DLG2: variants seen among roughly 807,000 people sequenced by gnomAD.
The protein encoded by DLG2 is disks large homolog 2.
Under a neutral mutation model 132.5 loss-of-function variants are expected in DLG2, and 45 were observed. That is an observed-to-expected ratio of 0.34 (90% CI 0.27 to 0.44). DLG2 has a LOEUF of 0.44. Among genes scored for constraint, DLG2 ranks in the 20% least tolerant of loss-of-function variants. DLG2 has a pLI of 1.00. For synonymous variants in DLG2, 424 were observed against 419.6 expected, an observed-to-expected ratio of 1.01 and a Z score of -0.13; for missense variants, 1,045 against 1,196.9, an observed-to-expected ratio of 0.87 and a Z score of 1.87.
chr11:84,643,075 A>G (rs745420775), intron 6 of DLG2, among the ~76,000 whole-genome samples: 2 of 152,190 alleles, frequency 1.3e-5, no homozygotes, highest in Admixed American at 6.5e-5. Flanking sequence ...CAGTTAAATC[A>G]ATTTATTTTC....
At chr11:84,462,509 C>T (rs2099083118) in intron 7 of DLG2, among the ~76,000 whole-genome samples, 1 of 151,064 alleles carries the variant, frequency 6.6e-6, no homozygotes, top group Non-Finnish European at 1.5e-5. Context: ...TACTAAAATA[C>T]TTGTCCAAAA....
intron 6 of DLG2, among the ~76,000 whole-genome samples, chr11:84,751,698 T>C (rs537616145): frequency 1.3e-5 from 2 of 152,300 alleles, no homozygotes; most frequent in East Asian, 3.9e-4. Context: ...TATCCTTAAA[T>C]CAACTTGAAT....
intron 6 of DLG2, among the ~76,000 whole-genome samples, chr11:85,044,835 A>G (rs375058084): frequency 3.9e-5 from 6 of 152,050 alleles, no homozygotes; most frequent in East Asian, 3.9e-4. Flanking sequence ...AGAGACTACT[A>G]TTTTCATGAA....
intron 4 of DLG2, among the ~76,000 whole-genome samples, chr11:85,253,942 C>T (rs2076533963): frequency 6.6e-6 from 1 of 152,180 alleles, no homozygotes; most frequent in Admixed American, 6.5e-5. Flanking sequence ...AGCCACTTCT[C>T]TCCAACATCC....
chr11:85,268,059 T>C (rs1026473938), intron 4 of DLG2, among the ~76,000 whole-genome samples: 1 of 152,240 alleles, frequency 6.6e-6, no homozygotes, highest in African/African-American at 2.4e-5. Flanking sequence ...CTAAGCACTT[T>C]ATTTGTATTA....
chr11:83,621,511 G>T (rs550593217), intron 19 of DLG2, among the ~76,000 whole-genome samples: 2 of 152,220 alleles, frequency 1.3e-5, no homozygotes, highest in South Asian at 2.1e-4. Flanking sequence ...AATGTGAAAT[G>T]ATGCTACTTA....
At chr11:85,437,771 T>C (rs1373656869) in intron 3 of DLG2, among the ~76,000 whole-genome samples, 2 of 152,126 alleles carry the variant, frequency 1.3e-5, no homozygotes, top group Admixed American at 6.5e-5. Flanking sequence ...ATATAGAAGA[T>C]ATGTATAATT....
At chr11:83,928,870 C>G (rs2079553666) in intron 15 of DLG2, among the ~76,000 whole-genome samples, 1 of 152,148 alleles carries the variant, frequency 6.6e-6, no homozygotes, top group Admixed American at 6.5e-5. Flanking sequence ...ATGTAGCTGA[C>G]TATAGGTACA....
intron 7 of DLG2, among the ~76,000 whole-genome samples, chr11:84,273,864 T>C (rs932596732): frequency 2.0e-5 from 3 of 152,182 alleles, no homozygotes; most frequent in Non-Finnish European, 4.4e-5. Context: ...ACTGTCTTAA[T>C]GGCACTATGA....
chr11:83,542,295 T>A (rs1330477658), intron 19 of DLG2, among the ~76,000 whole-genome samples: 2 of 152,192 alleles, frequency 1.3e-5, no homozygotes, highest in Non-Finnish European at 2.9e-5. Context: ...TCATCTCAGA[T>A]GTATCAGCCT....
intron 7 of DLG2, among the ~76,000 whole-genome samples, chr11:84,366,529 G>T (rs1238053948): frequency 6.6e-6 from 1 of 151,962 alleles, no homozygotes; most frequent in Admixed American, 6.6e-5. Context: ...AAATTGGATA[G>T]AGTCAAGACC....
intron 8 of DLG2, among the ~76,000 whole-genome samples, chr11:84,180,474 G>C (rs1241890286): frequency 6.6e-6 from 1 of 152,130 alleles, no homozygotes; most frequent in East Asian, 1.9e-4. Context: ...AGGCAATAAT[G>C]ACTGAAAATT....
intron 18 of DLG2, chr11:83,725,417 G>T (rs1024664366): frequency 5.9e-5 from 9 of 152,566 alleles, no homozygotes; most frequent in African/African-American, 2.2e-4. Flanking sequence ...TCAGCTGCAG[G>T]CTGGAATCTG....
intron 6 of DLG2, among the ~76,000 whole-genome samples, chr11:84,632,549 C>T (rs964175565): frequency 6.6e-6 from 1 of 152,118 alleles, no homozygotes; most frequent in Admixed American, 6.6e-5. Flanking sequence ...CTAAAAGGAG[C>T]ATTTACCATA....
chr11:85,404,638 A>C (rs2088537496), intron 3 of DLG2, among the ~76,000 whole-genome samples: 1 of 152,014 alleles, frequency 6.6e-6, no homozygotes, highest in Non-Finnish European at 1.5e-5. Flanking sequence ...AGGACAATCA[A>C]GAAAAATTAT....
intron 6 of DLG2, among the ~76,000 whole-genome samples, chr11:85,083,115 G>T (rs565228958): frequency 1.3e-5 from 2 of 152,248 alleles, no homozygotes; most frequent in Non-Finnish European, 2.9e-5. Flanking sequence ...CTCCAGAAAT[G>T]AGTTGCCTGC....
chr11:84,126,777 T>A (rs144094093), intron 9 of DLG2, among the ~76,000 whole-genome samples: 2 of 152,238 alleles, frequency 1.3e-5, no homozygotes, highest in African/African-American at 2.4e-5. Context: ...ACAATTATTT[T>A]ATAAACTGAT....
At chr11:85,401,304 A>G (rs1166065243) in intron 3 of DLG2, among the ~76,000 whole-genome samples, 8 of 152,126 alleles carry the variant, frequency 5.3e-5, no homozygotes, top group Non-Finnish European at 1.0e-4. Context: ...CATGCAAAAA[A>G]CTCTCAATAA....
At chr11:85,628,253 C>T (rs2082119575), upstream of DLG2, among the ~76,000 whole-genome samples, 1 of 152,200 alleles carries the variant, frequency 6.6e-6, no homozygotes, top group Non-Finnish European at 1.5e-5. Context: ...GCAGCTAGTT[C>T]CCAGCTGCCC....
Sources: gnomAD v4.1 joint callset for allele counts (sites outside exome capture counted in the v4.1 genomes callset) on GRCh38, gnomAD v4.1.1 for gene constraint, MANE v1.5 for transcripts, NCBI Gene and HGNC (gene_info 2026-07-23, HGNC 2026-07-21) for gene names.